Variants in SH3BGRL2 observed in about 807,000 individuals in gnomAD.
SH3BGRL2 encodes the protein SH3 domain-binding glutamic acid-rich-like protein 2.
A neutral mutation model predicts 14.8 loss-of-function variants in SH3BGRL2; 21 were observed. The ratio of observed to expected loss-of-function variants is 1.42; its 90% CI spans 1.01 to 2.05. The LOEUF is 2.05. SH3BGRL2 is among the 30% of genes most tolerant of loss of function. The pLI is 0.00. For synonymous variants in SH3BGRL2, 50 were observed against 47.8 expected, an observed-to-expected ratio of 1.05 and a Z score of -0.19; for missense variants, 147 against 130.8, an observed-to-expected ratio of 1.12 and a Z score of -0.61.
At chr6:79,561,660 T>C in the SH3BGRL2 span, 1 of 152,174 alleles carries the variant, frequency 6.6e-6, no homozygotes, top group East Asian at 1.9e-4. Flanking sequence ...GCATTTGAGA[T>C]GACCGCCACT....
At chr6:79,665,798 T>A (rs1221123010) in intron 1 of SH3BGRL2, among the ~76,000 whole-genome samples, 1 of 152,236 alleles carries the variant, frequency 6.6e-6, no homozygotes, top group African/African-American at 2.4e-5. Context: ...TTTCAAAAAT[T>A]GACCTTTATT....
At chr6:79,650,471 T>G (rs1769265002) in intron 1 of SH3BGRL2, among the ~76,000 whole-genome samples, 1 of 152,054 alleles carries the variant, frequency 6.6e-6, no homozygotes, top group African/African-American at 2.4e-5. Context: ...GAAAAGAGAT[T>G]TATTTGTCTC....
At chr6:79,624,140 C>T in the SH3BGRL2 span, among the ~76,000 whole-genome samples, 14 of 151,756 alleles carry the variant, frequency 9.2e-5, no homozygotes, top group Admixed American at 3.9e-4. Context: ...ATTGGAAATC[C>T]CTGTAACTTG....
the SH3BGRL2 span, among the ~76,000 whole-genome samples, chr6:79,603,743 C>T: frequency 1.3e-5 from 2 of 152,142 alleles, no homozygotes; most frequent in South Asian, 2.1e-4. Context: ...CTTTCAACTA[C>T]GACAAGCAAG....
rs371256890 is a variant in SH3BGRL2 at position 79,668,912 on chromosome 6, G to A, written c.46-4702G>A. Among the ~76,000 whole-genome samples the A allele has an allele frequency of 1.4e-4, 22 of 152,308 alleles. No individual in the cohort carries two copies. The East Asian group carries it at 2.3e-3, about 16-fold the overall frequency. On this transcript the variant is annotated intron_variant, in intron 1 of 3. Coordinates refer to ENST00000369838, the MANE Select transcript of SH3BGRL2 (RefSeq NM_031469.4). ...TTATTTCGGCTATGTACAGTTAGATGTAGCATCCTAAGCACAATGCTTTTC... is the reference window on the plus strand; with the variant it reads ...TTATTTCGGCTATGTACAGTTAGATATAGCATCCTAAGCACAATGCTTTTC...
At chr6:79,590,426 T>G in the SH3BGRL2 span, among the ~76,000 whole-genome samples, 488 of 55,868 alleles carry the variant, frequency 8.7e-3, 18 homozygotes, top group African/African-American at 0.027. Context: ...GAAAATGTGA[T>G]ATATATATAT....
the SH3BGRL2 span, among the ~76,000 whole-genome samples, chr6:79,546,048 G>A: frequency 6.6e-6 from 1 of 152,022 alleles, no homozygotes; most frequent in Admixed American, 6.6e-5. Flanking sequence ...TGAAACAAGT[G>A]GAGTTGAAAT....
chr6:79,554,984 T>C, the SH3BGRL2 span, among the ~76,000 whole-genome samples: 1 of 152,022 alleles, frequency 6.6e-6, no homozygotes, highest in Admixed American at 6.6e-5. Context: ...TAATGTAAAA[T>C]AAAAGATATT....
chr6:79,615,770 A>G, the SH3BGRL2 span, among the ~76,000 whole-genome samples: 1 of 147,034 alleles, frequency 6.8e-6, no homozygotes, highest in African/African-American at 2.5e-5. Flanking sequence ...TTTTTCTAAC[A>G]TTGTGTATTT....
intron 1 of SH3BGRL2, among the ~76,000 whole-genome samples, chr6:79,656,821 C>T (rs990141718): frequency 6.6e-6 from 1 of 151,830 alleles, no homozygotes; most frequent in Non-Finnish European, 1.5e-5. Context: ...GGGGAGAGCT[C>T]CTGAAACTAA....
At position 79,673,547 on chromosome 6, in the gene SH3BGRL2, G is replaced by C. The variant is rs897487081; in HGVS notation, c.46-67G>C. ...GTATCAATGACATAAATCTAGTTCA[G>C]TTTGGAAGTATATACATACTGTTTC... On this transcript the variant is annotated intron_variant, in intron 1 of 3. Transcript: ENST00000369838. The C allele has an allele frequency of 4.0e-6, 6 of 1,488,252 alleles. No individual in the cohort carries two copies. In the East Asian group the frequency reaches 1.1e-4, roughly 28 times the overall value. 92.2% of individuals were successfully genotyped at this position (1,488,252 alleles called of 1,614,324 possible).
intron 1 of SH3BGRL2, among the ~76,000 whole-genome samples, chr6:79,659,109 G>C (rs1166493587): frequency 9.2e-5 from 14 of 152,148 alleles, no homozygotes; most frequent in Admixed American, 9.2e-4. Flanking sequence ...TCTGCTGGTA[G>C]TTTCTTTTGC....
At chr6:79,651,850 G>A (rs1025690492) in intron 1 of SH3BGRL2, among the ~76,000 whole-genome samples, 6 of 152,170 alleles carry the variant, frequency 3.9e-5, no homozygotes, top group African/African-American at 1.4e-4. Context: ...GAGGGCAGTG[G>A]TTAGATAAAT....
intron 1 of SH3BGRL2, among the ~76,000 whole-genome samples, chr6:79,649,985 T>A (rs12202593): frequency 0.34 from 48,573 of 141,764 alleles, 8,635 homozygotes; most frequent in Middle Eastern, 0.45. Flanking sequence ...TCTCTCTCTC[T>A]CACACACACA....
At chr6:79,628,183 ATAT>A (rs1190638711), upstream of SH3BGRL2, among the ~76,000 whole-genome samples, 2 of 152,144 alleles carry the variant, frequency 1.3e-5, no homozygotes, top group African/African-American at 2.4e-5. Flanking sequence ...AGAATCATAC[ATAT>A]TATCATATCA....
intron 2 of SH3BGRL2, among the ~76,000 whole-genome samples, chr6:79,691,464 C>T (rs1227600431): frequency 1.3e-5 from 2 of 149,126 alleles, no homozygotes; most frequent in Admixed American, 6.7e-5. Flanking sequence ...ATTAACTCGT[C>T]ATTTAGCATT....
chr6:79,682,459 A>G (rs1770006680), intron 2 of SH3BGRL2, among the ~76,000 whole-genome samples: 1 of 152,246 alleles, frequency 6.6e-6, no homozygotes, highest in Non-Finnish European at 1.5e-5. Flanking sequence ...TAAACACTGC[A>G]CTTGAGAACA....
At chr6:79,633,308 A>T (rs1768861068) in intron 1 of SH3BGRL2, among the ~76,000 whole-genome samples, 1 of 152,174 alleles carries the variant, frequency 6.6e-6, no homozygotes, top group South Asian at 2.1e-4. Flanking sequence ...GATAACTCAG[A>T]ATTGCACACT....
At chr6:79,591,448 C>A in the SH3BGRL2 span, among the ~76,000 whole-genome samples, 1 of 152,014 alleles carries the variant, frequency 6.6e-6, no homozygotes, top group Non-Finnish European at 1.5e-5. Flanking sequence ...TCTTGCTCTG[C>A]GCCAGGCTGG....
Sources: allele counts gnomAD v4.1 joint callset (sites outside exome capture counted in the v4.1 genomes callset), GRCh38; gene constraint gnomAD v4.1.1; transcripts MANE v1.5; gene names NCBI Gene and HGNC (gene_info 2026-07-23, HGNC 2026-07-21).